NLRP8: variants seen among roughly 807,000 people sequenced by gnomAD.
NLRP8 encodes NLR family pyrin domain containing 8.
A neutral mutation model predicts 88.7 loss-of-function variants in NLRP8; 86 were observed. That is an observed-to-expected ratio of 0.97 (90% confidence interval 0.81 to 1.16). NLRP8 has a LOEUF of 1.16. Ranked by LOEUF, NLRP8 falls within the 50% of genes most tolerant of loss-of-function variation. The pLI is 0.00. For synonymous variants in NLRP8, 504 were observed against 494.6 expected (o/e 1.02, Z -0.25); for missense variants, 1,342 against 1,286.5 (o/e 1.04, Z -0.66).
chr19:55,981,649 G>A (rs1412084999), intron 9 of NLRP8, among the ~76,000 whole-genome samples: 1 of 152,116 alleles, frequency 6.6e-6, no homozygotes, highest in Non-Finnish European at 1.5e-5. Flanking sequence ...GTGTGCACAA[G>A]GAACTTCTAA....
chr19:55,982,977 A>T (rs894399636), intron 9 of NLRP8, among the ~76,000 whole-genome samples: 1 of 152,078 alleles, frequency 6.6e-6, no homozygotes, highest in Non-Finnish European at 1.5e-5. Flanking sequence ...GGACATAGCA[A>T]TAGGAACAAG....
chr19:55,971,164 G>A (rs562808532), intron 6 of NLRP8, among the ~76,000 whole-genome samples: 70 of 152,276 alleles, frequency 4.6e-4, no homozygotes, highest in Middle Eastern at 6.8e-3. Flanking sequence ...AAAGGGCCGG[G>A]CACGGTGGCT....
At position 55,953,237 on chromosome 19, in the gene NLRP8, C is replaced by T. The variant is rs556615854; in HGVS notation, c.442+625C>T. Among the ~76,000 whole-genome samples, 8 of 152,232 alleles carry T rather than the reference C, an allele frequency of 5.3e-5. No individual in the cohort carries two copies. In the East Asian group the frequency reaches 1.4e-3, roughly 26 times the overall value. On this transcript the variant is annotated intron_variant, in intron 2 of 9. Transcript: ENST00000291971. Reference sequence around the variant, plus strand: ...GAGAATCTAATGCCTGATCCGTCACCGTCTCCCATCACCCCTGGATGGGAC... The same window carrying T: ...GAGAATCTAATGCCTGATCCGTCACTGTCTCCCATCACCCCTGGATGGGAC...
At position 55,973,818 on chromosome 19, in the gene NLRP8, C is replaced by G. The variant is rs1435386827; in HGVS notation, c.2701C>G (p.Leu901Val). 1 of 1,609,986 alleles carries G rather than the reference C, an allele frequency of 6.2e-7. No homozygotes were observed. Among genetic ancestry groups the G allele is most frequent in the Non-Finnish European group, 8.5e-7 (1 of 1,177,442 alleles). ...ACACCTGAGATGTCCTCTGCAGAGG[C>G]TGGTGTAAGTCCCAGAATGTTTTCT... Residue 901 changes from leucine to valine, a missense_variant, in exon 7 of 10, where the codon CTG becomes GTG. By Grantham distance (32) the Leu-to-Val change is conservative. Coordinates refer to ENST00000291971, the MANE Select transcript of NLRP8 (RefSeq NM_176811.2).
rs529856295 is a variant in NLRP8, at chr19:55,976,456, T to A, written c.2876+153T>A. Among the ~76,000 whole-genome samples the A allele has an allele frequency of 2.1e-4, 32 of 152,256 alleles. 1 individual carries two copies. In the South Asian group the frequency reaches 2.9e-3, roughly 14 times the overall value. ...GAACTGGGAAGCTTCTGAGCCGTGG[T>A]TCTCAAAGTGTGGATCAGCAGCAGT... On this transcript the variant is annotated intron_variant, in intron 8 of 9. Transcript: ENST00000291971.
chr19:55,975,973 T>C (rs978232124), intron 7 of NLRP8, among the ~76,000 whole-genome samples, 160 bp from the exon 8 acceptor site: 1 of 152,218 alleles, frequency 6.6e-6, no homozygotes, highest in African/African-American at 2.4e-5. Flanking sequence ...ATCTTGGTTA[T>C]GCCATTATGC....
At chr19:55,977,856 G>A (rs764801330) in intron 8 of NLRP8, among the ~76,000 whole-genome samples, 26 of 151,946 alleles carry the variant, frequency 1.7e-4, no homozygotes, top group Non-Finnish European at 1.0e-4. Flanking sequence ...TTTGGATAAT[G>A]GTGTTCATTT....
intron 7 of NLRP8, among the ~76,000 whole-genome samples, chr19:55,975,427 G>A (rs1047118105): frequency 6.6e-6 from 1 of 152,240 alleles, no homozygotes; most frequent in Non-Finnish European, 1.5e-5. Context: ...CTGCTAGTAG[G>A]TGTATCCACA....
chr19:55,966,201 T>C lies in NLRP8; in HGVS notation c.2214-12T>C, dbSNP rs928783577. On this transcript the variant is annotated splice_polypyrimidine_tract_variant and intron_variant, in intron 4 of 9. Transcript: ENST00000291971. ...GGGACCCTATTCCAAGGAGACGCTC[T>C]TCCCTCTCCAGCCTAAGGCGTGTGA... 65 of 1,612,922 alleles carry C rather than the reference T, an allele frequency of 4.0e-5. No individual in the cohort carries two copies. The highest frequency in any genetic ancestry group is 4.5e-5 in the Non-Finnish European group (53 of 1,179,018).
intron 4 of NLRP8, among the ~76,000 whole-genome samples, chr19:55,964,056 A>G (rs1004105622): frequency 5.9e-5 from 9 of 151,926 alleles, no homozygotes; most frequent in Non-Finnish European, 1.3e-4. Flanking sequence ...CTTAGCCACC[A>G]CTCCATACGC....
chr19:55,964,767 A>T (rs1979766152), intron 4 of NLRP8, among the ~76,000 whole-genome samples: 1 of 151,650 alleles, frequency 6.6e-6, no homozygotes, highest in Non-Finnish European at 1.5e-5. Context: ...AAAAAAAAAG[A>T]AAAAAAGAAC....
At chr19:55,975,055 G>T (rs971236020) in intron 7 of NLRP8, among the ~76,000 whole-genome samples, 1 of 152,130 alleles carries the variant, frequency 6.6e-6, no homozygotes, top group Non-Finnish European at 1.5e-5. Context: ...TTGCACCATG[G>T]AAACTGGCAA....
intron 3 of NLRP8, among the ~76,000 whole-genome samples, chr19:55,958,841 G>A (rs897965651): frequency 2.7e-5 from 4 of 147,168 alleles, no homozygotes; most frequent in Non-Finnish European, 6.0e-5. Context: ...GTGAGCCACC[G>A]CGTCCAGCCA....
chr19:55,984,075 G>A (rs1360206834), intron 9 of NLRP8, among the ~76,000 whole-genome samples: 3 of 152,094 alleles, frequency 2.0e-5, no homozygotes. Flanking sequence ...GGAGGTCCTA[G>A]TCAGTGTAAC....
At chr19:55,965,040 C>G (rs7249779) in intron 4 of NLRP8, among the ~76,000 whole-genome samples, 2,761 of 152,148 alleles carry the variant, frequency 0.018, 81 homozygotes, top group East Asian at 0.055. Flanking sequence ...AGTCCCAACA[C>G]TTTGGGAGGC....
chr19:55,980,760 A>G (rs1383970178), intron 9 of NLRP8, among the ~76,000 whole-genome samples: 1 of 152,180 alleles, frequency 6.6e-6, no homozygotes, highest in African/African-American at 2.4e-5. Flanking sequence ...GTGGCGTCCC[A>G]TCACGTCTGC....
chr19:55,954,719 A>C lies in NLRP8; in HGVS notation c.661A>C (p.Lys221Gln), dbSNP rs781233491. The change falls in exon 3 of 10, where the codon AAA becomes CAA. Residue 221 changes from lysine to glutamine, a missense_variant. By Grantham distance (53) the Lys-to-Gln change is moderately conservative (BLOSUM62 1). Coordinates refer to ENST00000291971, the MANE Select transcript of NLRP8 (RefSeq NM_176811.2). ...TGGGATCGGAAAAACAATCCTGGCC[A>C]AAAAGGTGATGTTTGAGTGGGCCAG... 9 of 1,614,032 alleles carry C rather than the reference A, an allele frequency of 5.6e-6. No individual in the cohort carries two copies. The highest frequency in any genetic ancestry group is 4.0e-5 in the African/African-American group (3 of 74,906).
chr19:55,964,100 G>GATAATTC (rs1979733071), intron 4 of NLRP8, among the ~76,000 whole-genome samples: 1 of 152,142 alleles, frequency 6.6e-6, no homozygotes, highest in Non-Finnish European at 1.5e-5. Context: ...CCAAAAACCC[G>GATAATTC]ATAATTCACC....
rs940262526 is a variant in NLRP8 at position 55,988,554 on chromosome 19, CTTTA to C, written c.*648_*651del. On this transcript the variant is annotated 3_prime_UTR_variant, in exon 10 of 10. Transcript: ENST00000291971. ...TTCATCGTCTTCTTGCTTCTTCTAC[CTTTA>C]TTTATTCTCAGCTCTGAATGTATGA... 7 of 150,134 alleles carry C rather than the reference CTTTA, an allele frequency of 4.7e-5. No individual in the cohort carries two copies. The highest frequency in any genetic ancestry group is 1.2e-4 in the African/African-American group (5 of 40,700). The allele number at this position is 150,134 out of a possible 1,614,324, so 9.3% of individuals were successfully genotyped here.
Sources: gnomAD v4.1 joint callset for allele counts (sites outside exome capture counted in the v4.1 genomes callset) on GRCh38, gnomAD v4.1.1 for gene constraint, MANE v1.5 for transcripts, NCBI Gene and HGNC (gene_info 2026-07-23, HGNC 2026-07-21) for gene names.